TBX5: variants seen among roughly 807,000 people sequenced by gnomAD.
TBX5 encodes the protein T-box transcription factor 5, also known as T-box transcription factor TBX5.
In TBX5, 8 loss-of-function variants were observed where a neutral mutation model predicts 51.1. That is an observed-to-expected ratio of 0.16 (90% CI 0.09 to 0.28). TBX5 has a LOEUF of 0.28. TBX5 is among the 10% of genes least tolerant of loss of function. The pLI is 1.00. For missense variants in TBX5, 589 were observed against 671.7 expected (o/e 0.88, Z 1.36); for synonymous variants, 302 against 266.4 (o/e 1.13, Z -1.30).
chr12:114,388,442 C>T (rs1352747385), intron 6 of TBX5, among the ~76,000 whole-genome samples: 1 of 152,140 alleles, frequency 6.6e-6, no homozygotes, highest in Non-Finnish European at 1.5e-5. Context: ...CAGGCGTGAG[C>T]CACCATGCCC....
chr12:114,354,689 G>T lies in TBX5; in HGVS notation c.*843C>A, dbSNP rs1370762802. On this transcript the variant is annotated 3_prime_UTR_variant, in exon 9 of 9. Coordinates refer to ENST00000405440, the MANE Select transcript of TBX5 (RefSeq NM_181486.4). ...ACAGTCCTGCCTACATGTAAACGGGGGCTTTTTAAGTTTTTCAAAGCAAGC... is the reference window on the plus strand; with the variant it reads ...ACAGTCCTGCCTACATGTAAACGGGTGCTTTTTAAGTTTTTCAAAGCAAGC... 2.0e-5 allele frequency: 3 copies of T among 152,630 alleles called. No homozygotes were observed. The highest frequency in any genetic ancestry group is 2.9e-5 in the Non-Finnish European group (2 of 68,104). The allele number at this position is 152,630 out of a possible 1,614,324, so 9.5% of individuals were successfully genotyped here.
chr12:114,376,416 C>T (rs969086649), intron 7 of TBX5, among the ~76,000 whole-genome samples: 2 of 152,090 alleles, frequency 1.3e-5, no homozygotes, highest in African/African-American at 4.8e-5. Context: ...TGACATGACT[C>T]ACTTATAGGT....
Position 114,355,813 on chromosome 12 carries a change from A to G in TBX5, c.1276T>C (p.Phe426Leu). 6.2e-7 allele frequency: 1 copy of G among 1,614,114 alleles called. No individual in the cohort carries two copies. Among genetic ancestry groups the G allele is most frequent in the Non-Finnish European group, 8.5e-7 (1 of 1,180,038 alleles). ...GGCCCCGAGGTGAAGTGAGCGGAGA[A>G]GTGCTGGTAGGGTAGCCTGTCCATG... Reference protein sequence around the residue: ...QPMDRLPYQHFSAHFTSGPLV... With the variant: ...QPMDRLPYQHLSAHFTSGPLV... Residue 426 changes from phenylalanine to leucine, a missense_variant, in exon 9 of 9, where the codon TTC becomes CTC. Physicochemically the swap from Phe to Leu is conservative, Grantham distance 22. This residue lies in a region of TBX5 where 348 missense variants were observed against 360.4 expected (regional missense o/e 0.97). Transcript: ENST00000405440.
chr12:114,370,284 AAAAG>A (rs1258493835), intron 7 of TBX5, among the ~76,000 whole-genome samples: 669 of 44,888 alleles, frequency 0.015, 4 homozygotes, highest in African/African-American at 0.02. Flanking sequence ...AAAAGAAAAG[AAAAG>A]AAAGAAAAGA....
At chr12:114,363,959 G>A (rs373283303) in intron 8 of TBX5, among the ~76,000 whole-genome samples, 4 of 152,342 alleles carry the variant, frequency 2.6e-5, no homozygotes, top group South Asian at 4.1e-4. Flanking sequence ...TCCGGCAGCA[G>A]ACGTGCCGGG....
chr12:114,394,800 A>G lies in TBX5; in HGVS notation c.604T>C (p.Cys202Arg), dbSNP rs759713411. The stretch of plus-strand genomic sequence containing the variant: ...GCAGTCTCAGGAAAGACGTGAGTGC[A>G]GAACGCTGTATTTTTTGAGCCAAAT... ...NGFGSKNTAF[C>R]THVFPETAFI... The change falls in exon 6 of 9, where the codon TGC (cysteine) becomes CGC (arginine). Residue 202 changes from cysteine (C) to arginine (R), a missense_variant. Transcript: ENST00000405440. The G allele has an allele frequency of 2.5e-6, 4 of 1,614,106 alleles. No individual in the cohort carries two copies. In the African/African-American group the frequency reaches 5.3e-5, roughly 22 times the overall value.
intron 7 of TBX5, among the ~76,000 whole-genome samples, chr12:114,371,587 GT>G (rs57151200): frequency 0.17 from 20,477 of 121,622 alleles, 1,490 homozygotes; most frequent in South Asian, 0.23. Context: ...AGATTTTTGT[GT>G]TTTTTTTTTT....
At chr12:114,382,481 T>G (rs909831320) in intron 7 of TBX5, among the ~76,000 whole-genome samples, 1 of 152,152 alleles carries the variant, frequency 6.6e-6, no homozygotes, top group Non-Finnish European at 1.5e-5. Flanking sequence ...CTAGGCAGCA[T>G]GGTGAAACCC....
At chr12:114,392,078 C>G (rs1871176438) in intron 6 of TBX5, among the ~76,000 whole-genome samples, 1 of 151,354 alleles carries the variant, frequency 6.6e-6, no homozygotes, top group Non-Finnish European at 1.5e-5. Context: ...TGTGTGAACA[C>G]TTAGTGTGGC....
chr12:114,401,046 G>C (rs896206800), intron 3 of TBX5, among the ~76,000 whole-genome samples: 3 of 152,126 alleles, frequency 2.0e-5, no homozygotes, highest in African/African-American at 7.2e-5. Flanking sequence ...AGCACGGGTA[G>C]GGATGTGGCC....
Position 114,394,777 on chromosome 12 carries a change from A to C in TBX5, c.627T>G (p.Thr209=), listed in dbSNP as rs747429505. 2.4e-5 allele frequency: 39 copies of C among 1,614,098 alleles called. 2 individuals are homozygous for C. The South Asian group carries it at 3.8e-4, about 16-fold the overall frequency. Residue 209 remains threonine, a synonymous_variant, in exon 6 of 9, where the codon ACT becomes ACG. Coordinates refer to ENST00000405440, the MANE Select transcript of TBX5 (RefSeq NM_181486.4). The stretch of plus-strand genomic sequence containing the variant: ...GGTAGGAAGTCACTGCTATAAACGC[A>C]GTCTCAGGAAAGACGTGAGTGCAGA... ...TAFCTHVFPE[T]AFIAVTSYQN...
chr12:114,402,823 A>G (rs1871912388), intron 2 of TBX5, among the ~76,000 whole-genome samples: 1 of 152,214 alleles, frequency 6.6e-6, no homozygotes, highest in African/African-American at 2.4e-5. Context: ...AAAGAAAAAA[A>G]AAAATCCCTA....
intron 6 of TBX5, among the ~76,000 whole-genome samples, chr12:114,388,448 T>C (rs1007675875): frequency 6.6e-6 from 1 of 151,946 alleles, no homozygotes; most frequent in Admixed American, 6.6e-5. Flanking sequence ...TGAGCCACCA[T>C]GCCCAGCTGA....
At chr12:114,387,469 C>A (rs574599518) in intron 6 of TBX5, among the ~76,000 whole-genome samples, 3 of 152,072 alleles carry the variant, frequency 2.0e-5, no homozygotes, top group African/African-American at 7.2e-5. Context: ...AGCAAAACTA[C>A]GGAGTCAGTT....
In TBX5 at chr12:114,406,061, T is replaced by TCTCC. The variant is rs561423312; in HGVS notation, c.-476_-473dup. On this transcript the variant is annotated 5_prime_UTR_variant, in exon 1 of 9. Transcript: ENST00000405440. ...GTAAGAGTCAGTCTCTCTCACTCTC[T>TCTCC]CTCCCTCTCTCTCTCTCTCTGAAAT... is the stretch of plus-strand genomic sequence containing the variant. The TCTCC allele has an allele frequency of 3.0e-3, 2,965 of 980,446 alleles. 52 individuals are homozygous for TCTCC. The African/African-American group carries it at 0.046, about 15-fold the overall frequency. 60.7% of individuals were successfully genotyped at this position (980,446 alleles called of 1,614,324 possible). A position where few individuals can be genotyped will look rare whatever the true frequency, so the allele number is the denominator to read the frequency against.
intron 7 of TBX5, among the ~76,000 whole-genome samples, chr12:114,378,018 C>T (rs898363248): frequency 5.9e-5 from 9 of 152,162 alleles, no homozygotes; most frequent in African/African-American, 2.2e-4. Context: ...ATCCCAGTCA[C>T]CAAAAGTAGA....
At chr12:114,393,053 G>A (rs999379116) in intron 6 of TBX5, among the ~76,000 whole-genome samples, 1 of 152,174 alleles carries the variant, frequency 6.6e-6, no homozygotes, top group Non-Finnish European at 1.5e-5. Flanking sequence ...CAGACAATCT[G>A]GATTTGGAGA....
At chr12:114,368,158 T>C (rs1869656414) in intron 7 of TBX5, among the ~76,000 whole-genome samples, 1 of 152,190 alleles carries the variant, frequency 6.6e-6, no homozygotes, top group Non-Finnish European at 1.5e-5. Flanking sequence ...ATTACAGGCT[T>C]GTGGTGCTAA....
At chr12:114,408,423 G>C (rs79465718), upstream of TBX5, 6,226 of 154,364 alleles carry the variant, frequency 0.04, 423 homozygotes, top group African/African-American at 0.14. Context: ...GGGGGACTGA[G>C]GTCTCTTGCA....
Sources: gnomAD v4.1 joint callset for allele counts (sites outside exome capture counted in the v4.1 genomes callset) on GRCh38, gnomAD v4.1.1 for gene constraint, gnomAD v4.1.1 regional missense constraint, MANE v1.5 for transcripts, NCBI Gene and HGNC (gene_info 2026-07-23, HGNC 2026-07-21) for gene names.